SEMA6D: variants seen among roughly 807,000 people sequenced by gnomAD.
SEMA6D encodes the protein semaphorin-6D.
SEMA6D carries 35 observed loss-of-function variants against 106.6 expected under a neutral mutation model. The observed-to-expected ratio is 0.33, with a 90% CI of 0.25 to 0.44. The LOEUF (loss-of-function observed/expected upper bound fraction) is 0.44. SEMA6D is among the 20% of genes least tolerant of loss of function. The pLI is 1.00. For synonymous variants in SEMA6D, 499 were observed against 487.7 expected (o/e 1.02, Z -0.31); for missense variants, 1,185 against 1,345.9 (o/e 0.88, Z 1.87).
At chr15:47,602,943 T>C (rs2076693701) in intron 4 of SEMA6D, among the ~76,000 whole-genome samples, 2 of 152,054 alleles carry the variant, frequency 1.3e-5, no homozygotes, top group South Asian at 4.1e-4. Context: ...TCTCAAAGAT[T>C]TCACCTCTGT....
intron 4 of SEMA6D, among the ~76,000 whole-genome samples, chr15:47,620,693 A>AT (rs2077082000): frequency 7.5e-6 from 1 of 132,944 alleles, no homozygotes; most frequent in African/African-American, 2.6e-5. Flanking sequence ...TTGCCTTTAA[A>AT]ATATATATAT....
chr15:47,486,793 A>G (rs1018585200), intron 3 of SEMA6D, among the ~76,000 whole-genome samples: 2 of 152,224 alleles, frequency 1.3e-5, no homozygotes, highest in East Asian at 3.8e-4. Context: ...AATCTGTACT[A>G]CCATTGACTA....
intron 1 of SEMA6D, among the ~76,000 whole-genome samples, chr15:47,411,713 T>C (rs1367371901): frequency 6.6e-6 from 1 of 152,144 alleles, no homozygotes; most frequent in Non-Finnish European, 1.5e-5. Flanking sequence ...TCACCCCCTC[T>C]GTCTTCAGGT....
upstream of SEMA6D, among the ~76,000 whole-genome samples, chr15:47,713,229 A>G (rs2079052752): frequency 6.6e-6 from 1 of 151,926 alleles, no homozygotes; most frequent in Admixed American, 6.6e-5. Flanking sequence ...TGTAGAGCAA[A>G]AATTATTCAT....
intron 1 of SEMA6D, among the ~76,000 whole-genome samples, chr15:47,191,120 G>T (rs1318221685): frequency 6.6e-6 from 1 of 152,038 alleles, no homozygotes; most frequent in African/African-American, 2.4e-5. Context: ...GCTGCAGAGA[G>T]CCGTGATTGT....
intron 7 of SEMA6D, 69 bp downstream of exon 7, chr15:47,761,820 A>C: frequency 7.6e-7 from 1 of 1,318,952 alleles, no homozygotes; most frequent in Non-Finnish European, 1.1e-6. Context: ...ATTTAATGGA[A>C]GAGTAAAAGT....
At chr15:47,397,446 C>G (rs1017978307) in intron 1 of SEMA6D, 2 of 151,990 alleles carry the variant, frequency 1.3e-5, no homozygotes, top group Admixed American at 1.3e-4. Flanking sequence ...AACAAAGAAT[C>G]TTACATATAA....
chr15:47,467,040 T>A (rs1171239025), intron 2 of SEMA6D, among the ~76,000 whole-genome samples: 1 of 152,058 alleles, frequency 6.6e-6, no homozygotes, highest in East Asian at 1.9e-4. Context: ...ATTTTTAGTT[T>A]TTTTGAGGTA....
exon 2 of SEMA6D, chr15:47,412,393 G>C (rs1329519373): frequency 6.6e-6 from 1 of 152,612 alleles, no homozygotes; most frequent in Non-Finnish European, 1.5e-5. Flanking sequence ...CTTTTGGCAG[G>C]ATCTCCAACC....
At chr15:47,479,648 A>G (rs1226822469) in intron 3 of SEMA6D, among the ~76,000 whole-genome samples, 2 of 152,072 alleles carry the variant, frequency 1.3e-5, no homozygotes, top group African/African-American at 4.8e-5. Flanking sequence ...CCCTTTGGGA[A>G]GACTTAATTG....
chr15:47,623,873 A>G (rs987056895), intron 4 of SEMA6D, among the ~76,000 whole-genome samples: 2 of 152,186 alleles, frequency 1.3e-5, no homozygotes, highest in South Asian at 4.1e-4. Context: ...CATTCTTCAC[A>G]CTGAAGGGAA....
chr15:47,436,245 C>T (rs1406176042), intron 2 of SEMA6D, among the ~76,000 whole-genome samples: 1 of 151,874 alleles, frequency 6.6e-6, no homozygotes, highest in Non-Finnish European at 1.5e-5. Flanking sequence ...CAAAAATTAG[C>T]TGGGTGTGGT....
chr15:47,743,950 C>T (rs1220857853), intron 1 of SEMA6D, among the ~76,000 whole-genome samples: 1 of 152,156 alleles, frequency 6.6e-6, no homozygotes, highest in Non-Finnish European at 1.5e-5. Context: ...GGTCATAGAG[C>T]AATGGACCTG....
intron 4 of SEMA6D, among the ~76,000 whole-genome samples, chr15:47,649,691 GAA>G (rs2077649567): frequency 6.6e-6 from 1 of 152,182 alleles, no homozygotes; most frequent in African/African-American, 2.4e-5. Context: ...GAGGGAGAGA[GAA>G]AGAGAAAGAA....
intron 3 of SEMA6D, among the ~76,000 whole-genome samples, chr15:47,574,356 C>A (rs899585155): frequency 1.3e-5 from 2 of 152,192 alleles, no homozygotes; most frequent in Admixed American, 1.3e-4. Context: ...CCTCAGCTGG[C>A]TGGTCTGATA....
At chr15:47,289,116 GA>G in intron 1 of SEMA6D, among the ~76,000 whole-genome samples, 1 of 152,164 alleles carries the variant, frequency 6.6e-6, no homozygotes, top group South Asian at 2.1e-4. Flanking sequence ...AATGAACATT[GA>G]AAAGGTGAGC....
intron 1 of SEMA6D, among the ~76,000 whole-genome samples, chr15:47,215,681 T>A (rs1407092081): frequency 6.6e-6 from 1 of 152,156 alleles, no homozygotes; most frequent in Non-Finnish European, 1.5e-5. Flanking sequence ...TTTCACAAAA[T>A]TTCAAAACTG....
At chr15:47,597,403 G>T (rs2143215901) in intron 3 of SEMA6D, among the ~76,000 whole-genome samples, 1 of 152,124 alleles carries the variant, frequency 6.6e-6, no homozygotes, top group East Asian at 1.9e-4. Flanking sequence ...ATTATGAAGA[G>T]ATAGCTAAAC....
At chr15:47,732,813 C>T (rs1651604325) in intron 1 of SEMA6D, among the ~76,000 whole-genome samples, 2 of 152,128 alleles carry the variant, frequency 1.3e-5, no homozygotes, top group Non-Finnish European at 2.9e-5. Context: ...AGATATGACA[C>T]TGCAAGAAAA....
Sources: gnomAD v4.1 joint callset for allele counts (sites outside exome capture counted in the v4.1 genomes callset) on GRCh38, gnomAD v4.1.1 for gene constraint, MANE v1.5 for transcripts, NCBI Gene and HGNC (gene_info 2026-07-23, HGNC 2026-07-21) for gene names.